DCDC1: variants seen among roughly 807,000 people sequenced by gnomAD.
DCDC1 encodes doublecortin domain-containing protein 1.
Under a neutral mutation model 178.3 loss-of-function variants are expected in DCDC1, and 200 were observed. That is an observed-to-expected ratio of 1.12 (90% CI 1.00 to 1.26). DCDC1 has a LOEUF of 1.26. Among genes scored for constraint, DCDC1 ranks in the 50% most tolerant of loss-of-function variants. The pLI is 0.00. For synonymous variants in DCDC1, 690 were observed against 604.8 expected, an observed-to-expected ratio of 1.14 and a Z score of -2.07; for missense variants, 1,983 against 1,749.2, an observed-to-expected ratio of 1.13 and a Z score of -2.38.
chr11:31,250,773 TG>T (rs370509323), intron 8 of DCDC1, among the ~76,000 whole-genome samples: 2,815 of 145,906 alleles, frequency 0.019, 80 homozygotes, highest in African/African-American at 0.065. Context: ...TTTTTTTTTT[TG>T]AGACGGAGTC....
intron 9 of DCDC1, among the ~76,000 whole-genome samples, chr11:31,201,974 A>T (rs1263928989): frequency 6.6e-6 from 1 of 152,202 alleles, no homozygotes; most frequent in East Asian, 1.9e-4. Flanking sequence ...AAAGTATAAA[A>T]TGGTATTTGC....
intron 20 of DCDC1, among the ~76,000 whole-genome samples, chr11:31,061,925 T>C (rs1039050098): frequency 2.0e-5 from 3 of 152,082 alleles, no homozygotes; most frequent in South Asian, 2.1e-4. Context: ...TAATACTATA[T>C]TCCTTTCTTC....
intron 20 of DCDC1, among the ~76,000 whole-genome samples, chr11:30,959,018 A>C (rs1260029565): frequency 3.9e-5 from 6 of 152,142 alleles, no homozygotes; most frequent in African/African-American, 1.4e-4. Flanking sequence ...GAGACTTCTC[A>C]AGGATAAAGT....
chr11:31,325,706 T>C (rs1345983134), intron 3 of DCDC1, among the ~76,000 whole-genome samples: 1 of 152,098 alleles, frequency 6.6e-6, no homozygotes, highest in African/African-American at 2.4e-5. Flanking sequence ...ACTTAATATA[T>C]ATACATATAT....
chr11:31,137,897 G>T, intron 9 of DCDC1, 113 bp from the exon 10 acceptor site: 1 of 576,458 alleles, frequency 1.7e-6, no homozygotes, highest in Non-Finnish European at 3.1e-6. Flanking sequence ...TATTAATTTT[G>T]ATGATACGTA....
intron 25 of DCDC1, among the ~76,000 whole-genome samples, chr11:30,918,030 C>A (rs1028590293): frequency 1.1e-4 from 16 of 150,328 alleles, no homozygotes; most frequent in African/African-American, 2.4e-5. Context: ...TGAAGGCAAA[C>A]CTCTCCCTTT....
intron 21 of DCDC1, among the ~76,000 whole-genome samples, chr11:30,950,194 G>A (rs1365849147): frequency 6.6e-6 from 1 of 152,156 alleles, no homozygotes; most frequent in Non-Finnish European, 1.5e-5. Context: ...GAATGCTGGT[G>A]AGAATAAGAA....
intron 20 of DCDC1, among the ~76,000 whole-genome samples, chr11:30,954,812 C>T (rs1948672229): frequency 6.6e-6 from 1 of 152,182 alleles, no homozygotes. Flanking sequence ...TCAGATCCAT[C>T]CATAGTACTT....
chr11:30,914,709 T>C (rs1007636777), intron 27 of DCDC1, among the ~76,000 whole-genome samples: 1 of 151,680 alleles, frequency 6.6e-6, no homozygotes, highest in Non-Finnish European at 1.5e-5. Context: ...CCATCAACAT[T>C]CTGCCATTCT....
chr11:30,917,942 T>C (rs1449411177), intron 25 of DCDC1, among the ~76,000 whole-genome samples: 1 of 152,150 alleles, frequency 6.6e-6, no homozygotes, highest in Non-Finnish European at 1.5e-5. Flanking sequence ...TCAAATGTAA[T>C]AGAAGTATTA....
chr11:31,020,937 T>C (rs956465607), intron 20 of DCDC1, among the ~76,000 whole-genome samples: 4 of 152,118 alleles, frequency 2.6e-5, no homozygotes, highest in East Asian at 1.9e-4. Context: ...GAAATCCCAA[T>C]AGAAAAATGG....
At chr11:31,022,790 A>G (rs1033774945) in intron 20 of DCDC1, among the ~76,000 whole-genome samples, 14 of 151,760 alleles carry the variant, frequency 9.2e-5, no homozygotes, top group Admixed American at 6.6e-4. Context: ...CCCCATACAC[A>G]TCACCTGCCT....
intron 10 of DCDC1, among the ~76,000 whole-genome samples, chr11:31,129,697 C>T (rs1962173338): frequency 6.6e-6 from 1 of 151,992 alleles, no homozygotes; most frequent in Non-Finnish European, 1.5e-5. Context: ...ATCCCCTCAT[C>T]CCCCTCCCCA....
At chr11:30,998,078 G>C (rs1461726449) in intron 20 of DCDC1, among the ~76,000 whole-genome samples, 5 of 152,018 alleles carry the variant, frequency 3.3e-5, no homozygotes, top group African/African-American at 1.2e-4. Context: ...AGGATTGCTT[G>C]ACCCCAGGAG....
At chr11:31,262,952 CAG>C (rs1199922162) in intron 8 of DCDC1, 2 of 1,324,666 alleles carry the variant, frequency 1.5e-6, no homozygotes, top group Non-Finnish European at 2.1e-6. Context: ...GATGCAAAAA[CAG>C]AGGGCAAGGC....
Position 31,127,645 on chromosome 11 carries a change from G to T in DCDC1, c.1315-6C>A. On this transcript the variant is annotated splice_region_variant and splice_polypyrimidine_tract_variant and intron_variant, in intron 10 of 38. Coordinates refer to ENST00000684477, the MANE Select transcript of DCDC1 (RefSeq NM_001387274.1). ...TCATCAATCAGCCTGCTCACCTGAA[G>T]GGGTTAAATTACAAGAGTTGTTAGC... 1.4e-6 allele frequency: 1 copy of T among 701,900 alleles called. No homozygotes were observed. Among genetic ancestry groups the T allele is most frequent in the Non-Finnish European group, 2.6e-6 (1 of 384,404 alleles). The allele number at this position is 701,900 out of a possible 1,614,324, so 43.5% of individuals were successfully genotyped here.
intron 20 of DCDC1, among the ~76,000 whole-genome samples, chr11:31,051,093 G>T (rs1325669019): frequency 1.3e-5 from 2 of 152,138 alleles, no homozygotes; most frequent in East Asian, 3.9e-4. Context: ...GATACACGAA[G>T]TGAAGGGAGA....
intron 2 of DCDC1, among the ~76,000 whole-genome samples, chr11:31,334,855 G>C (rs1333779244): frequency 6.6e-6 from 1 of 152,156 alleles, no homozygotes; most frequent in East Asian, 1.9e-4. Flanking sequence ...GGTACAAGGG[G>C]GTCAGGGACC....
chr11:31,058,775 A>C (rs932834523), intron 20 of DCDC1, among the ~76,000 whole-genome samples: 39 of 152,276 alleles, frequency 2.6e-4, no homozygotes, highest in African/African-American at 9.1e-4. Context: ...AGGTTGAAAG[A>C]GATAGACAAG....
Sources: allele counts gnomAD v4.1 joint callset (sites outside exome capture counted in the v4.1 genomes callset), GRCh38; gene constraint gnomAD v4.1.1; transcripts MANE v1.5; gene names NCBI Gene and HGNC (gene_info 2026-07-23, HGNC 2026-07-21).